SLC8A1: variants seen among roughly 807,000 people sequenced by gnomAD.
The protein encoded by SLC8A1 is solute carrier family 8 member A1.
Under a neutral mutation model 68.3 loss-of-function variants are expected in SLC8A1, and 18 were observed. The ratio of observed to expected loss-of-function variants is 0.26; its 90% CI spans 0.18 to 0.39. The LOEUF (loss-of-function observed/expected upper bound fraction) is 0.39, where lower values mean the gene tolerates loss of function less well. SLC8A1 is among the 10% of genes least tolerant of loss of function. SLC8A1 has a pLI of 1.00. For synonymous variants in SLC8A1, 475 were observed against 415.5 expected, an observed-to-expected ratio of 1.14 and a Z score of -1.74; for missense variants, 985 against 1,156.7, an observed-to-expected ratio of 0.85 and a Z score of 2.15.
rs545886922 is a variant in SLC8A1 at position 40,211,030 on chromosome 2, A to G, written c.1809-33175T>C. On this transcript the variant is annotated intron_variant, in intron 2 of 7. Coordinates refer to ENST00000406785, the Ensembl canonical transcript of SLC8A1. ...ATATCACCTTTGGAAAAGCCAGGCC[A>G]TTCTGAAGTAGGTCTTTGTCTTTCC... Among the ~76,000 whole-genome samples, 42 of 152,334 alleles carry G rather than the reference A, an allele frequency of 2.8e-4. No individual in the cohort carries two copies. The South Asian group carries it at 8.5e-3, about 31-fold the overall frequency.
chr2:40,238,578 G>T (rs1249658770), intron 2 of SLC8A1, among the ~76,000 whole-genome samples: 4 of 152,298 alleles, frequency 2.6e-5, no homozygotes, highest in Admixed American at 2.0e-4. Flanking sequence ...CGTCGCTCAC[G>T]CTGGGAGCTG....
intron 7 of SLC8A1, among the ~76,000 whole-genome samples, chr2:40,133,007 T>C (rs111290767): frequency 0.026 from 3,898 of 152,334 alleles, 78 homozygotes; most frequent in Non-Finnish European, 0.038. Flanking sequence ...GTTTCCTGTA[T>C]TTTATACCAA....
intron 2 of SLC8A1, among the ~76,000 whole-genome samples, chr2:40,266,956 T>C (rs1353729855): frequency 2.6e-5 from 4 of 152,140 alleles, no homozygotes; most frequent in African/African-American, 4.8e-5. Flanking sequence ...TTAGGTCCCA[T>C]AGAACTGGAT....
At chr2:40,117,284 C>T (rs970534622) in intron 7 of SLC8A1, among the ~76,000 whole-genome samples, 1 of 150,434 alleles carries the variant, frequency 6.6e-6, no homozygotes. Context: ...GTAGCTCATG[C>T]CTATAATCCC....
At chr2:40,423,998 A>G (rs940478990) in intron 2 of SLC8A1, among the ~76,000 whole-genome samples, 2 of 151,974 alleles carry the variant, frequency 1.3e-5, no homozygotes, top group African/African-American at 2.4e-5. Context: ...AATTTCTTAC[A>G]TTAATACATT....
chr2:40,135,963 G>T (rs2040425051), intron 7 of SLC8A1, among the ~76,000 whole-genome samples: 1 of 152,170 alleles, frequency 6.6e-6, no homozygotes, highest in African/African-American at 2.4e-5. Flanking sequence ...AAGACAGCTA[G>T]TACATAAATC....
chr2:40,171,639 G>A (rs576679444), intron 4 of SLC8A1, among the ~76,000 whole-genome samples: 41 of 152,226 alleles, frequency 2.7e-4, no homozygotes, highest in Admixed American at 6.5e-4. Flanking sequence ...AAACAGGACA[G>A]TGCTGGGATT....
intron 2 of SLC8A1, among the ~76,000 whole-genome samples, chr2:40,345,275 T>C (rs1452094771): frequency 6.6e-6 from 1 of 152,190 alleles, no homozygotes; most frequent in Non-Finnish European, 1.5e-5. Flanking sequence ...TCCTACCTCA[T>C]CAATAACAAC....
chr2:40,430,032 C>T, exon 2 of SLC8A1: 11 of 1,613,784 alleles, frequency 6.8e-6, no homozygotes, highest in Non-Finnish European at 9.3e-6. Context: ...AGACCATGGC[C>T]ACAAAATACA....
chr2:40,486,030 G>A lies in SLC8A1; in HGVS notation c.-25+26319C>T, dbSNP rs562227007. 4.6e-5 allele frequency among the ~76,000 whole-genome samples: 7 copies of A among 152,286 alleles called. No individual in the cohort carries two copies. The East Asian group carries it at 1.2e-3, about 25-fold the overall frequency. ...CCGCATGTTGTGGGAAGGACACAGTGGGAGTTAATTGAAACATGGGAGCAG... is the reference window on the plus strand; with the variant it reads ...CCGCATGTTGTGGGAAGGACACAGTAGGAGTTAATTGAAACATGGGAGCAG... On this transcript the variant is annotated intron_variant, in intron 1 of 7. Transcript: ENST00000402441.
chr2:40,120,322 A>G (rs1241431221), intron 7 of SLC8A1, among the ~76,000 whole-genome samples: 1 of 152,150 alleles, frequency 6.6e-6, no homozygotes, highest in African/African-American at 2.4e-5. Flanking sequence ...TGCTTCTCCC[A>G]GCAACCAGAC....
At chr2:40,487,637 A>T (rs1342963735) in intron 1 of SLC8A1, among the ~76,000 whole-genome samples, 3 of 152,222 alleles carry the variant, frequency 2.0e-5, no homozygotes, top group Admixed American at 6.5e-5. Context: ...CAACAGAGAA[A>T]CAGCAGCTCT....
chr2:40,233,821 C>G (rs1574449630), intron 2 of SLC8A1, among the ~76,000 whole-genome samples: 1 of 151,770 alleles, frequency 6.6e-6, no homozygotes, highest in South Asian at 2.1e-4. Flanking sequence ...ATATGGCTAG[C>G]CAGTTTTCCC....
intron 2 of SLC8A1, among the ~76,000 whole-genome samples, chr2:40,304,179 C>A (rs909829757): frequency 2.0e-5 from 3 of 152,144 alleles, no homozygotes; most frequent in Non-Finnish European, 4.4e-5. Flanking sequence ...TACAGAAGAG[C>A]CCCTGGAAAA....
At chr2:40,183,992 C>T (rs767191553) in intron 2 of SLC8A1, among the ~76,000 whole-genome samples, 6 of 151,832 alleles carry the variant, frequency 4.0e-5, no homozygotes, top group African/African-American at 9.7e-5. Context: ...CCTGTTTCTA[C>T]GAAAAATCAA....
intron 4 of SLC8A1, among the ~76,000 whole-genome samples, chr2:40,173,301 G>A (rs764358167): frequency 6.6e-6 from 1 of 152,132 alleles, no homozygotes; most frequent in Non-Finnish European, 1.5e-5. Flanking sequence ...AAAAAAAGGA[G>A]TATAAATTCC....
At chr2:40,277,727 A>T (rs539370947) in intron 2 of SLC8A1, among the ~76,000 whole-genome samples, 1 of 149,332 alleles carries the variant, frequency 6.7e-6, no homozygotes, top group East Asian at 2.0e-4. Flanking sequence ...ACATAAATAA[A>T]CCAAAAACTA....
chr2:40,149,978 C>G (rs532136077), intron 6 of SLC8A1, among the ~76,000 whole-genome samples: 6 of 149,992 alleles, frequency 4.0e-5, no homozygotes, highest in Non-Finnish European at 5.9e-5. Context: ...GCAGCAGGAG[C>G]CTTGGGTTCT....
At chr2:40,164,044 G>C (rs1444696786) in intron 5 of SLC8A1, among the ~76,000 whole-genome samples, 1 of 152,178 alleles carries the variant, frequency 6.6e-6, no homozygotes, top group Non-Finnish European at 1.5e-5. Context: ...CTCTGGGTTT[G>C]TAATTCTGGA....
Sources: allele counts gnomAD v4.1 joint callset (sites outside exome capture counted in the v4.1 genomes callset), GRCh38; gene constraint gnomAD v4.1.1; transcripts MANE v1.5; gene names NCBI Gene and HGNC (gene_info 2026-07-23, HGNC 2026-07-21).